Variants in PLEKHA7 observed in about 807,000 individuals in gnomAD.
PLEKHA7 encodes the protein pleckstrin homology domain-containing family A member 7.
A neutral mutation model predicts 170.0 loss-of-function variants in PLEKHA7; 104 were observed. That is an observed-to-expected ratio of 0.61 (90% CI 0.52 to 0.72). The LOEUF is 0.72. Among genes scored for constraint, PLEKHA7 ranks in the 30% least tolerant of loss-of-function variants. PLEKHA7 has a pLI of 0.00. For synonymous variants in PLEKHA7, 648 were observed against 660.8 expected (o/e 0.98, Z 0.30); for missense variants, 1,615 against 1,671.7 (o/e 0.97, Z 0.59).
chr11:16,931,206 C>T (rs925741293), intron 3 of PLEKHA7, among the ~76,000 whole-genome samples: 4 of 152,108 alleles, frequency 2.6e-5, no homozygotes, highest in Non-Finnish European at 4.4e-5. Flanking sequence ...AACAACCCCA[C>T]GTTAGAAATG....
chr11:16,960,509 G>T (rs748074929), intron 3 of PLEKHA7, among the ~76,000 whole-genome samples: 1 of 152,098 alleles, frequency 6.6e-6, no homozygotes, highest in Non-Finnish European at 1.5e-5. Flanking sequence ...CACTGCAGAA[G>T]GTCACAGATG....
intron 3 of PLEKHA7, among the ~76,000 whole-genome samples, chr11:16,975,983 C>T (rs1863036741): frequency 1.3e-5 from 2 of 152,198 alleles, no homozygotes; most frequent in South Asian, 2.1e-4. Context: ...GTGGGCTAGC[C>T]GGCCCCCACC....
Position 16,816,834 on chromosome 11 carries a change from T to A in PLEKHA7, c.1832A>T (p.Asp611Val), listed in dbSNP as rs536079251. The change falls in exon 11 of 27, where the codon GAT (aspartate) becomes GTT (valine). Residue 611 changes from aspartate (D) to valine (V), a missense_variant. Coordinates refer to ENST00000531066, the MANE Select transcript of PLEKHA7 (RefSeq NM_001329630.2). The part of the protein sequence containing the change: ...QRRSVDISLG[D>V]SPRRARGHAV... ...GTGGCCCCGTGCCCTCCTTGGAGAA[T>A]CCCCCAGCGAGATGTCCACACTCCT... 28 of 1,613,966 alleles carry A rather than the reference T, an allele frequency of 1.7e-5. No individual in the cohort carries two copies. The East Asian group carries it at 4.0e-4, about 23-fold the overall frequency.
chr11:16,914,143 T>TA (rs1473269522), intron 3 of PLEKHA7, among the ~76,000 whole-genome samples: 5 of 151,368 alleles, frequency 3.3e-5, no homozygotes, highest in East Asian at 1.9e-4. Context: ...TAAAGCATAT[T>TA]TAAAAAAAAA....
chr11:16,969,616 G>A (rs972444942), intron 3 of PLEKHA7, among the ~76,000 whole-genome samples: 3 of 152,048 alleles, frequency 2.0e-5, no homozygotes, highest in Non-Finnish European at 4.4e-5. Context: ...CAGCCACCAC[G>A]CTCTACCCCT....
intron 3 of PLEKHA7, among the ~76,000 whole-genome samples, chr11:16,910,159 C>T (rs1858145894): frequency 6.6e-6 from 1 of 152,138 alleles, no homozygotes; most frequent in Admixed American, 6.5e-5. Flanking sequence ...TTATCAGCAC[C>T]AATTAATATA....
chr11:16,804,250 G>A (rs1848797638), intron 13 of PLEKHA7, among the ~76,000 whole-genome samples: 1 of 152,164 alleles, frequency 6.6e-6, no homozygotes, highest in African/African-American at 2.4e-5. Flanking sequence ...CTATTTTGCA[G>A]ATCTGACCAG....
intron 3 of PLEKHA7, among the ~76,000 whole-genome samples, chr11:16,961,919 A>G (rs1028501127): frequency 5.9e-5 from 9 of 152,182 alleles, no homozygotes; most frequent in Admixed American, 3.9e-4. Context: ...TAAAACACCT[A>G]TGGAAGGGTC....
At chr11:16,886,028 T>C (rs1358488898) in intron 3 of PLEKHA7, among the ~76,000 whole-genome samples, 5 of 148,962 alleles carry the variant, frequency 3.4e-5, no homozygotes, top group Non-Finnish European at 4.5e-5. Flanking sequence ...AAAGAAAAGG[T>C]AAACCCCAAA....
At chr11:16,847,090 C>CTTTTTTTTTTTTT (rs59132787) in intron 8 of PLEKHA7, among the ~76,000 whole-genome samples, 3 of 70,814 alleles carry the variant, frequency 4.2e-5, no homozygotes, top group Non-Finnish European at 7.9e-5. Flanking sequence ...TTTTTTTTTT[C>CTTTTTTTTTTTTT]TTTTTTTTTT....
chr11:17,007,938 C>T (rs574147738), intron 3 of PLEKHA7, among the ~76,000 whole-genome samples: 11 of 152,226 alleles, frequency 7.2e-5, no homozygotes, highest in Non-Finnish European at 1.5e-4. Flanking sequence ...TAGCACTAAC[C>T]GCAATTACAT....
intron 3 of PLEKHA7, among the ~76,000 whole-genome samples, chr11:16,895,727 T>C (rs371246390): frequency 3.8e-4 from 58 of 152,324 alleles, no homozygotes; most frequent in African/African-American, 1.3e-3. Flanking sequence ...CAAAGACTTC[T>C]AAATCCAAGA....
chr11:16,847,023 G>A (rs1478382951), intron 8 of PLEKHA7, among the ~76,000 whole-genome samples: 1 of 150,446 alleles, frequency 6.6e-6, no homozygotes, highest in African/African-American at 2.4e-5. Flanking sequence ...ACTCTGAGCA[G>A]AGAACTGAAG....
chr11:17,000,527 C>A (rs1240539661), intron 3 of PLEKHA7, among the ~76,000 whole-genome samples: 1 of 152,158 alleles, frequency 6.6e-6, no homozygotes, highest in Non-Finnish European at 1.5e-5. Context: ...AACAAGGAAG[C>A]ACAATTCTTT....
chr11:16,805,789 C>CAAAAAAAAAAAAAAA (rs11339921), intron 13 of PLEKHA7, among the ~76,000 whole-genome samples: 3 of 111,194 alleles, frequency 2.7e-5, no homozygotes, highest in African/African-American at 1.1e-4. Context: ...GACTCCATGT[C>CAAAAAAAAAAAAAAA]AAAAAAAAAA....
At chr11:16,834,559 A>G (rs546408664) in intron 9 of PLEKHA7, among the ~76,000 whole-genome samples, 2 of 152,352 alleles carry the variant, frequency 1.3e-5, no homozygotes, top group Admixed American at 1.3e-4. Flanking sequence ...TACTCCAGAT[A>G]ACACAGAGGT....
rs75292351 is a variant in PLEKHA7, at chr11:16,801,099, G to A, written c.2308-24C>T. On this transcript the variant is annotated intron_variant, in intron 16 of 26. Coordinates refer to ENST00000531066, the MANE Select transcript of PLEKHA7 (RefSeq NM_001329630.2). ...TCCTGTTGGCCAAGACAATGCTTCC[G>A]GTTCTTAGTTATCCCCTGCCCCCTT... 6.0e-3 allele frequency: 9,608 copies of A among 1,599,442 alleles called. 96 individuals carry two copies. The highest frequency in any genetic ancestry group is 5.5e-3 in the Non-Finnish European group (6,473 of 1,166,730).
chr11:16,804,056 T>G (rs1209872684), intron 13 of PLEKHA7, among the ~76,000 whole-genome samples: 1 of 152,242 alleles, frequency 6.6e-6, no homozygotes, highest in East Asian at 1.9e-4. Context: ...TGTCTCTCAC[T>G]GACTCCTGAG....
At chr11:17,008,422 T>G (rs1865140427) in intron 3 of PLEKHA7, among the ~76,000 whole-genome samples, 1 of 152,240 alleles carries the variant, frequency 6.6e-6, no homozygotes, top group Non-Finnish European at 1.5e-5. Context: ...AGCTTCCTGC[T>G]TTGAGCATTG....
Sources: gnomAD v4.1 joint callset for allele counts (sites outside exome capture counted in the v4.1 genomes callset) on GRCh38, gnomAD v4.1.1 for gene constraint, MANE v1.5 for transcripts, NCBI Gene and HGNC (gene_info 2026-07-23, HGNC 2026-07-21) for gene names.